The following C3orf20 variants were observed in gnomAD, a reference collection of about 807,000 sequenced individuals.
C3orf20 encodes uncharacterized protein C3orf20.
In C3orf20, 76 loss-of-function variants were observed where a neutral mutation model predicts 88.3. That is an observed-to-expected ratio of 0.86 (90% confidence interval 0.72 to 1.04). The LOEUF is 1.04. C3orf20 is among the 50% of genes least tolerant of loss of function. C3orf20 has a pLI of 0.00. For synonymous variants in C3orf20, 436 were observed against 437.4 expected, an observed-to-expected ratio of 1.00 and a Z score of 0.04; for missense variants, 1,056 against 1,123.3, an observed-to-expected ratio of 0.94 and a Z score of 0.86.
chr3:14,747,424 A>G (rs1196651159), intron 12 of C3orf20, among the ~76,000 whole-genome samples: 1 of 152,200 alleles, frequency 6.6e-6, no homozygotes, highest in African/African-American at 2.4e-5. Flanking sequence ...TTTGAAATTT[A>G]CACCAAATTA....
chr3:14,762,452 A>G (rs2035589889), intron 15 of C3orf20, among the ~76,000 whole-genome samples: 1 of 152,188 alleles, frequency 6.6e-6, no homozygotes, highest in South Asian at 2.1e-4. Flanking sequence ...GCTTTAGGGG[A>G]ACATGAGCAG....
chr3:14,771,930 G>A lies in C3orf20; in HGVS notation c.2496-137G>A, dbSNP rs186666049. 1.2e-3 allele frequency: 1,302 copies of A among 1,120,122 alleles called. 25 individuals are homozygous for A. The South Asian group carries it at 0.017, about 14-fold the overall frequency. The allele number at this position is 1,120,122 out of a possible 1,614,324, so 69.4% of individuals were successfully genotyped here. On this transcript the variant is annotated intron_variant, in intron 15 of 16. Transcript: ENST00000253697. The stretch of plus-strand genomic sequence containing the variant: ...AGCATGTCACTGGGTCCCCAAGGAG[G>A]TCAGAGTCTCCCTTCGCTGCCCTCA...
At position 14,768,186 on chromosome 3, in the gene C3orf20, C is replaced by A. The variant is rs1346269922; in HGVS notation, c.2496-3881C>A. ...GGGGTAGGCAGGGGAGTGGGGAGGG[C>A]ACAGGGTGAGGAGACTGGGTCTCTA... On this transcript the variant is annotated intron_variant, in intron 15 of 16. Coordinates refer to ENST00000253697, the MANE Select transcript of C3orf20 (RefSeq NM_032137.5). This position sits in a 1 kb window ranked among gnomAD's most constrained non-coding sequence, Gnocchi z 4.1. 6.6e-6 allele frequency among the ~76,000 whole-genome samples: 1 copy of A among 152,082 alleles called. No homozygotes were observed. Among genetic ancestry groups the A allele is most frequent in the Non-Finnish European group, 1.5e-5 (1 of 68,018 alleles).
rs1174493069 is a variant in C3orf20, at chr3:14,768,151, G to A, written c.2496-3916G>A. On this transcript the variant is annotated intron_variant, in intron 15 of 16. Coordinates refer to ENST00000253697, the MANE Select transcript of C3orf20 (RefSeq NM_032137.5). The surrounding 1 kb of genome is among the most constrained non-coding windows in gnomAD (Gnocchi z 4.1). Reference sequence around the variant, plus strand: ...CAGAAGAGGCAGGAAGAGACTAGGTGGAGGCAGGAGGGGTAGGCAGGGGAG... The same window carrying A: ...CAGAAGAGGCAGGAAGAGACTAGGTAGAGGCAGGAGGGGTAGGCAGGGGAG... 1.3e-5 allele frequency among the ~76,000 whole-genome samples: 2 copies of A among 152,146 alleles called. No individual in the cohort carries two copies. The highest frequency in any genetic ancestry group is 3.9e-4 in the East Asian group (2 of 5,192).
chr3:14,761,702 A>AG, intron 15 of C3orf20, 87 bp downstream of exon 15: 1 of 768,552 alleles, frequency 1.3e-6, no homozygotes, highest in South Asian at 1.8e-5. Flanking sequence ...AGGGGAACTG[A>AG]GGGGAGCAGG....
chr3:14,712,178 GCGCGCA>G (rs201262122), intron 7 of C3orf20, among the ~76,000 whole-genome samples: 53,573 of 108,844 alleles, frequency 0.49, 9,595 homozygotes, highest in Middle Eastern at 0.54. Context: ...ACACACGCGC[GCGCGCA>G]CACACACACA....
At chr3:14,682,427 C>T (rs2032140068) in intron 2 of C3orf20, 96 bp downstream of exon 2, 1 of 396,880 alleles carries the variant, frequency 2.5e-6, no homozygotes, top group African/African-American at 2.0e-5. Flanking sequence ...TGAAGCTTTC[C>T]TGGAACCATA....
At chr3:14,699,059 G>C (rs995373263) in intron 5 of C3orf20, among the ~76,000 whole-genome samples, 3 of 152,242 alleles carry the variant, frequency 2.0e-5, no homozygotes, top group Admixed American at 2.0e-4. Flanking sequence ...ACCACCACCA[G>C]GTCCATGGGG....
chr3:14,750,721 G>A (rs796700007), intron 12 of C3orf20, among the ~76,000 whole-genome samples: 7 of 151,930 alleles, frequency 4.6e-5, no homozygotes, highest in East Asian at 1.9e-4. Context: ...TGCTTCTCCC[G>A]TTGTTTTCAA....
intron 15 of C3orf20, among the ~76,000 whole-genome samples, chr3:14,771,631 T>C (rs186464657): frequency 1.3e-5 from 2 of 152,350 alleles, no homozygotes; most frequent in Non-Finnish European, 2.9e-5. Flanking sequence ...TAACTAATGA[T>C]GTCTGCAGCG....
chr3:14,751,568 A>G (rs954818049), intron 12 of C3orf20, among the ~76,000 whole-genome samples: 1 of 152,226 alleles, frequency 6.6e-6, no homozygotes, highest in Non-Finnish European at 1.5e-5. Flanking sequence ...ACATGATTGT[A>G]TATTTAGAAA....
At chr3:14,739,368 T>G (rs1232581264) in intron 12 of C3orf20, among the ~76,000 whole-genome samples, 1 of 152,232 alleles carries the variant, frequency 6.6e-6, no homozygotes, top group African/African-American at 2.4e-5. Context: ...TTGAAAGGAA[T>G]CTTTTTTCCT....
chr3:14,770,135 G>A (rs1042569428), intron 15 of C3orf20, among the ~76,000 whole-genome samples: 1 of 152,144 alleles, frequency 6.6e-6, no homozygotes, highest in African/African-American at 2.4e-5. Context: ...CCCTGAGAAT[G>A]GCAGGGACTG....
intron 9 of C3orf20, among the ~76,000 whole-genome samples, chr3:14,718,003 C>T (rs1209340367): frequency 6.6e-6 from 1 of 152,030 alleles, no homozygotes; most frequent in Non-Finnish European, 1.5e-5. Flanking sequence ...TTAACTGATA[C>T]ATCTAGGTGT....
At chr3:14,706,184 T>A (rs977891322) in intron 7 of C3orf20, among the ~76,000 whole-genome samples, 19 of 152,142 alleles carry the variant, frequency 1.2e-4, no homozygotes, top group Non-Finnish European at 2.4e-4. Flanking sequence ...GAATTCAGAT[T>A]TAAGCACTCT....
At chr3:14,696,269 C>T (rs933440512) in intron 5 of C3orf20, among the ~76,000 whole-genome samples, 1 of 151,358 alleles carries the variant, frequency 6.6e-6, no homozygotes, top group African/African-American at 2.4e-5. Flanking sequence ...AAAGAGAAAA[C>T]TAATAAAACT....
At chr3:14,720,696 C>T (rs1445122099) in intron 9 of C3orf20, among the ~76,000 whole-genome samples, 2 of 152,076 alleles carry the variant, frequency 1.3e-5, no homozygotes, top group Admixed American at 1.3e-4. Context: ...CTGAGGCTCT[C>T]CAGGAGGGTC....
chr3:14,761,524 G>A lies in C3orf20; in HGVS notation c.2404G>A (p.Gly802Ser), dbSNP rs1394712645. ...IFGGRVLNGY[G>S]LSKQNLLKQI... ...TGGGGGCCGTGTTTTGAATGGATAT[G>A]GCCTCAGCAAGCAGAATCTGCTGAA... is the stretch of plus-strand genomic sequence containing the variant. The change falls in exon 15 of 17, where the codon GGC becomes AGC. Residue 802 changes from glycine to serine, a missense_variant. Coordinates refer to ENST00000253697, the MANE Select transcript of C3orf20 (RefSeq NM_032137.5). The A allele has an allele frequency of 6.2e-7, 1 of 1,614,024 alleles. No homozygotes were observed. The highest frequency in any genetic ancestry group is 1.7e-5 in the Admixed American group (1 of 60,026).
intron 6 of C3orf20, 121 bp downstream of exon 6, chr3:14,703,383 G>C: frequency 2.0e-6 from 3 of 1,493,724 alleles, no homozygotes; most frequent in Non-Finnish European, 2.7e-6. Flanking sequence ...CATGCCACCT[G>C]GGAGCGTGGG....
Sources: allele counts gnomAD v4.1 joint callset (sites outside exome capture counted in the v4.1 genomes callset), GRCh38; gene constraint gnomAD v4.1.1; non-coding constraint Gnocchi (gnomAD v3.1); transcripts MANE v1.5; gene names NCBI Gene and HGNC (gene_info 2026-07-23, HGNC 2026-07-21).